Variants in C1QTNF6 observed in about 807,000 individuals in gnomAD.
C1QTNF6 encodes the protein C1q and TNF related 6, also known as complement C1q tumor necrosis factor-related protein 6.
In C1QTNF6, 17 loss-of-function variants were observed where a neutral mutation model predicts 20.7. The ratio of observed to expected loss-of-function variants is 0.82; its 90% CI spans 0.56 to 1.23. The LOEUF (loss-of-function observed/expected upper bound fraction) is 1.23. Ranked by LOEUF, C1QTNF6 falls within the 50% of genes most tolerant of loss-of-function variation. The pLI is 0.00. For synonymous variants in C1QTNF6, 130 were observed against 156.3 expected (o/e 0.83, Z 1.25); for missense variants, 329 against 389.7 (o/e 0.84, Z 1.31).
At chr22:37,190,186 C>G (rs187029533), upstream of C1QTNF6, among the ~76,000 whole-genome samples, 1 of 152,190 alleles carries the variant, frequency 6.6e-6, no homozygotes, top group Non-Finnish European at 1.5e-5. Context: ...TTTTCTCTCT[C>G]CAGTCTCCCA....
intron 1 of C1QTNF6, among the ~76,000 whole-genome samples, chr22:37,187,925 G>A (rs979894173): frequency 6.6e-6 from 1 of 152,090 alleles, no homozygotes; most frequent in African/African-American, 2.4e-5. Flanking sequence ...CTCGGTCCAG[G>A]CAGGCCGTGC....
At chr22:37,186,413 G>A (rs1261970265) in intron 1 of C1QTNF6, among the ~76,000 whole-genome samples, 1 of 152,214 alleles carries the variant, frequency 6.6e-6, no homozygotes, top group Non-Finnish European at 1.5e-5. Flanking sequence ...TGTAGAGAGA[G>A]TTAGTTCATT....
Position 37,182,365 on chromosome 22 carries a change from G to T in C1QTNF6, c.660C>A (p.Tyr220Ter). 2.5e-6 allele frequency: 4 copies of T among 1,614,240 alleles called. No homozygotes were observed. The South Asian group carries it at 3.3e-5, about 13-fold the overall frequency. The change falls in exon 3 of 3, where the codon TAC becomes TAA. Residue 220 changes from tyrosine (Y) to a stop codon, truncating the protein, a stop_gained. Coordinates refer to ENST00000337843, the MANE Select transcript of C1QTNF6 (RefSeq NM_031910.4). LOFTEE classifies it high-confidence loss of function. ...MHNQKEAVIL[Y>*]AQPSERSIMQ... ...TGATGCTGCGCTCGCTGGGCTGCGC[G>T]TACAGGATGACAGCCTCTTTCTGGT...
intron 1 of C1QTNF6, among the ~76,000 whole-genome samples, chr22:37,187,726 C>T (rs1023340874): frequency 6.6e-6 from 1 of 152,142 alleles, no homozygotes; most frequent in Non-Finnish European, 1.5e-5. Flanking sequence ...GACACAGAAC[C>T]GTGGCCTGGG....
rs1208219007 is a variant in C1QTNF6 at position 37,185,224 on chromosome 22, G to T, written c.283C>A (p.Leu95Met). ...CCCACAGGAGGGCACTCACCCTTCA[G>T]GATGGTGATATTAATGTAGGGTCTG... ...EIRPYINITI[L>M]KGDKGDPGPM... The change falls in exon 2 of 3, where the codon CTG becomes ATG. Residue 95 changes from leucine to methionine, a missense_variant. Physicochemically the swap from Leu to Met is conservative, Grantham distance 15. Coordinates refer to ENST00000337843, the MANE Select transcript of C1QTNF6 (RefSeq NM_031910.4). The T allele has an allele frequency of 6.4e-7, 1 of 1,562,208 alleles. No homozygotes were observed. Among genetic ancestry groups the T allele is most frequent in the African/African-American group, 1.4e-5 (1 of 73,944 alleles).
chr22:37,182,854 ATTT>A (rs1295177696), intron 2 of C1QTNF6, 119 bp from the exon 3 acceptor site: 1 of 1,448,480 alleles, frequency 6.9e-7, no homozygotes, highest in Non-Finnish European at 9.1e-7. Context: ...GCCAGCATTT[ATTT>A]AGCACCTACT....
Position 37,182,537 on chromosome 22 carries a change from A to G in C1QTNF6, c.488T>C (p.Leu163Pro), listed in dbSNP as rs1398111940. The G allele has an allele frequency of 1.2e-6, 2 of 1,614,122 alleles. No individual in the cohort carries two copies. Among genetic ancestry groups the G allele is most frequent in the African/African-American group, 2.7e-5 (2 of 74,958 alleles). The stretch of plus-strand genomic sequence containing the variant: ...GTTCACAAAGACCCTTTCGAAGAGC[A>G]GCGTCTGGAAGTCCTCGCCGCTGTG... ...ALHSGEDFQT[L>P]LFERVFVNLD... The change falls in exon 3 of 3, where the codon CTG becomes CCG. Residue 163 changes from leucine to proline, a missense_variant. Leu to Pro is a moderately conservative substitution (Grantham distance 98). Transcript: ENST00000337843.
chr22:37,199,415 CG>C (rs1053442507), upstream of C1QTNF6: 27 of 152,380 alleles, frequency 1.8e-4, no homozygotes, highest in African/African-American at 6.5e-4. Context: ...ACAGCCGCGC[CG>C]GGAAACTGCC....
upstream of C1QTNF6, among the ~76,000 whole-genome samples, chr22:37,189,693 A>G (rs1395736654): frequency 6.6e-6 from 1 of 152,210 alleles, no homozygotes; most frequent in Non-Finnish European, 1.5e-5. Context: ...ACAAAAGGTG[A>G]TATCTGGAAG....
chr22:37,185,880 G>A, intron 1 of C1QTNF6: 2 of 987,616 alleles, frequency 2.0e-6, no homozygotes, highest in Non-Finnish European at 2.4e-6. Context: ...CCTCCCTCTG[G>A]CACTTTCTTG....
rs181086381 is a variant in C1QTNF6, at chr22:37,181,980, G to C, written c.*208C>G. ...AGTTCTAGAATATTTAGGTTAGCAA[G>C]CTTCTTAAAATAGGTCCAAGAGAGA... On this transcript the variant is annotated 3_prime_UTR_variant, in exon 3 of 3. Transcript: ENST00000337843. 5.0e-6 allele frequency: 3 copies of C among 597,216 alleles called. No individual in the cohort carries two copies. The highest frequency in any genetic ancestry group is 4.6e-5 in the South Asian group (2 of 43,728). The allele number at this position is 597,216 out of a possible 1,614,324, so 37.0% of individuals were successfully genotyped here. A position where few individuals can be genotyped will look rare whatever the true frequency, so the allele number is the denominator to read the frequency against.
At position 37,184,386 on chromosome 22, in the gene C1QTNF6, G is replaced by A. The variant is rs1366708738; in HGVS notation, c.289+832C>T. 2 of 717,322 alleles carry A rather than the reference G, an allele frequency of 2.8e-6. No homozygotes were observed. The highest frequency in any genetic ancestry group is 2.6e-6 in the Non-Finnish European group (1 of 385,044). 44.4% of individuals were successfully genotyped at this position (717,322 alleles called of 1,614,324 possible). ...CGGACGCTAAGGATGTCAAGGCCTG[G>A]TCACAGCCGTCAGCCACCACAGCCT... On this transcript the variant is annotated intron_variant, in intron 2 of 2. Transcript: ENST00000337843. This position sits in a 1 kb window ranked among gnomAD's most constrained non-coding sequence, Gnocchi z 4.0.
upstream of C1QTNF6, chr22:37,190,918 GTTTC>G (rs1048608172): frequency 6.6e-6 from 1 of 152,128 alleles, no homozygotes; most frequent in Non-Finnish European, 1.5e-5. Context: ...AGAAGGGGGG[GTTTC>G]TTGACTCTGA....
chr22:37,191,457 A>C (rs1046578936), upstream of C1QTNF6, among the ~76,000 whole-genome samples: 2 of 152,188 alleles, frequency 1.3e-5, no homozygotes, highest in African/African-American at 4.8e-5. Context: ...AAATAAGCCA[A>C]ATATGTCATT....
At chr22:37,185,863 C>G (rs1924280539) in intron 1 of C1QTNF6, 1 of 989,226 alleles carries the variant, frequency 1.0e-6, no homozygotes, top group Admixed American at 6.1e-5. Context: ...GCTTTCCCGC[C>G]CGCGCACCTC....
At chr22:37,189,028 C>A (rs937057753), upstream of C1QTNF6, among the ~76,000 whole-genome samples, 4 of 152,326 alleles carry the variant, frequency 2.6e-5, no homozygotes, top group Admixed American at 1.3e-4. Context: ...ATAGTTATTT[C>A]TTGATCCTAT....
chr22:37,180,822 G>C lies in C1QTNF6; in HGVS notation c.*1366C>G, dbSNP rs1601621966. On this transcript the variant is annotated 3_prime_UTR_variant, in exon 3 of 3. Transcript: ENST00000337843. ...AGAGCCCTGGGAGGAGGCAGGAAGGGGATCCCAGTGAGGAGGGCAGGTCTT... is the reference window on the plus strand; with the variant it reads ...AGAGCCCTGGGAGGAGGCAGGAAGGCGATCCCAGTGAGGAGGGCAGGTCTT... 6.5e-6 allele frequency: 1 copy of C among 153,114 alleles called. No homozygotes were observed. Among genetic ancestry groups the C allele is most frequent in the African/African-American group, 2.4e-5 (1 of 41,452 alleles). The allele number at this position is 153,114 out of a possible 1,614,324, so 9.5% of individuals were successfully genotyped here.
rs1288876286 is a variant in C1QTNF6, at chr22:37,186,380, C to T, written c.52-925G>A. The stretch of plus-strand genomic sequence containing the variant: ...ACTATCTATGCAACCCAACCTTATC[C>T]AGAAGCCCTGCAGGGAGGGTTCTGT... On this transcript the variant is annotated intron_variant, in intron 1 of 2. Transcript: ENST00000337843. Among the ~76,000 whole-genome samples, 6 of 152,192 alleles carry T rather than the reference C, an allele frequency of 3.9e-5. No homozygotes were observed. In the East Asian group the frequency reaches 1.2e-3, roughly 29 times the overall value.
At chr22:37,189,374 T>C (rs528210788), upstream of C1QTNF6, among the ~76,000 whole-genome samples, 2 of 152,310 alleles carry the variant, frequency 1.3e-5, no homozygotes, top group African/African-American at 2.4e-5. Context: ...TCCCTTCCTG[T>C]GACTACAAAT....
Sources: allele counts gnomAD v4.1 joint callset (sites outside exome capture counted in the v4.1 genomes callset), GRCh38; gene constraint gnomAD v4.1.1; non-coding constraint Gnocchi (gnomAD v3.1); transcripts MANE v1.5; gene names NCBI Gene and HGNC (gene_info 2026-07-23, HGNC 2026-07-21).